MARCHF1: variants seen among roughly 807,000 people sequenced by gnomAD.
The protein encoded by MARCHF1 is membrane associated ring-CH-type finger 1, also known as E3 ubiquitin-protein ligase MARCHF1.
Under a neutral mutation model 54.2 loss-of-function variants are expected in MARCHF1, and 40 were observed. The ratio of observed to expected loss-of-function variants is 0.74; its 90% CI spans 0.57 to 0.96. The LOEUF is 0.96. MARCHF1 is among the 40% of genes least tolerant of loss of function. MARCHF1 has a pLI of 0.00. For synonymous variants in MARCHF1, 236 were observed against 236.3 expected (o/e 1.00, Z 0.01); for missense variants, 586 against 656.5 (o/e 0.89, Z 1.17).
At chr4:163,825,499 G>GT (rs895433674) in intron 4 of MARCHF1, among the ~76,000 whole-genome samples, 11 of 151,940 alleles carry the variant, frequency 7.2e-5, no homozygotes, top group Non-Finnish European at 1.3e-4. Context: ...TCCGTTTTAA[G>GT]TTTTTTCAGA....
intron 3 of MARCHF1, among the ~76,000 whole-genome samples, chr4:163,943,630 C>T (rs1751960936): frequency 6.6e-6 from 1 of 151,206 alleles, no homozygotes; most frequent in African/African-American, 2.4e-5. Context: ...GGAAAAATAA[C>T]TAATGGGTAA....
At chr4:163,705,188 C>T (rs920818430) in intron 4 of MARCHF1, among the ~76,000 whole-genome samples, 1 of 151,598 alleles carries the variant, frequency 6.6e-6, no homozygotes, top group Admixed American at 6.6e-5. Flanking sequence ...TACAACCGAG[C>T]TGTATTTTAC....
chr4:163,684,132 A>T (rs1411931409), intron 5 of MARCHF1, among the ~76,000 whole-genome samples: 1 of 152,148 alleles, frequency 6.6e-6, no homozygotes, highest in African/African-American at 2.4e-5. Flanking sequence ...ACCACGTAGT[A>T]CCTCTTAAGC....
intron 8 of MARCHF1, among the ~76,000 whole-genome samples, chr4:163,561,194 C>T (rs980385808): frequency 2.0e-5 from 3 of 152,210 alleles, no homozygotes; most frequent in African/African-American, 7.2e-5. Context: ...TATAGGTCAA[C>T]TAAAATCTAT....
At chr4:164,173,106 T>C (rs879448325) in intron 1 of MARCHF1, among the ~76,000 whole-genome samples, 4 of 152,218 alleles carry the variant, frequency 2.6e-5, no homozygotes, top group Admixed American at 1.3e-4. Context: ...CAAATACGTA[T>C]TTCCAAATAT....
chr4:164,257,542 A>G (rs964081181), intron 1 of MARCHF1, among the ~76,000 whole-genome samples: 1 of 151,930 alleles, frequency 6.6e-6, no homozygotes, highest in Non-Finnish European at 1.5e-5. Flanking sequence ...CTATAAGATA[A>G]ATTTCTTTGA....
chr4:163,808,803 A>G (rs917271657), intron 4 of MARCHF1, among the ~76,000 whole-genome samples: 2 of 152,118 alleles, frequency 1.3e-5, no homozygotes, highest in South Asian at 2.1e-4. Context: ...TCCTGAGCTC[A>G]AGTGATCCAC....
chr4:164,381,344 A>C (rs1731364535), intron 1 of MARCHF1, among the ~76,000 whole-genome samples: 1 of 152,182 alleles, frequency 6.6e-6, no homozygotes, highest in Admixed American at 6.5e-5. Flanking sequence ...CTAGCTATCA[A>C]ATAAGTCAAA....
At chr4:164,265,376 T>A (rs551267230) in intron 1 of MARCHF1, among the ~76,000 whole-genome samples, 6 of 152,216 alleles carry the variant, frequency 3.9e-5, no homozygotes, top group Non-Finnish European at 5.9e-5. Context: ...GTATAAACAA[T>A]CTTTAGATTC....
At chr4:163,752,061 C>T (rs1442817170) in intron 4 of MARCHF1, among the ~76,000 whole-genome samples, 1 of 152,116 alleles carries the variant, frequency 6.6e-6, no homozygotes, top group African/African-American at 2.4e-5. Flanking sequence ...ATGGAAATAA[C>T]TCATAATAGG....
At chr4:163,530,186 A>G (rs1738298733) in intron 9 of MARCHF1, 2 of 151,946 alleles carry the variant, frequency 1.3e-5, no homozygotes, top group South Asian at 4.1e-4. Flanking sequence ...AGCACCTTGT[A>G]CCCTAAGATT....
chr4:163,611,452 C>A (rs537335328), intron 7 of MARCHF1, among the ~76,000 whole-genome samples: 2 of 152,094 alleles, frequency 1.3e-5, no homozygotes, highest in Non-Finnish European at 2.9e-5. Context: ...ACAAGTATTG[C>A]GCAGTGAAAA....
chr4:164,010,062 C>CTT (rs35143590), intron 2 of MARCHF1, among the ~76,000 whole-genome samples: 1,783 of 98,500 alleles, frequency 0.018, 54 homozygotes, highest in African/African-American at 0.058. Flanking sequence ...TCAAAAAACT[C>CTT]TTTTTTTTTT....
chr4:163,994,242 G>A (rs1753020422), intron 2 of MARCHF1, among the ~76,000 whole-genome samples: 1 of 148,598 alleles, frequency 6.7e-6, no homozygotes, highest in Non-Finnish European at 1.5e-5. Flanking sequence ...TATCGCTGAA[G>A]AATGATAGAG....
intron 4 of MARCHF1, among the ~76,000 whole-genome samples, chr4:163,769,317 T>C (rs150342290): frequency 1.3e-5 from 2 of 152,190 alleles, no homozygotes; most frequent in African/African-American, 2.4e-5. Context: ...CACTTAGCTA[T>C]ATGTATCTAA....
At chr4:163,788,459 T>C (rs1747680284) in intron 4 of MARCHF1, among the ~76,000 whole-genome samples, 1 of 152,024 alleles carries the variant, frequency 6.6e-6, no homozygotes, top group African/African-American at 2.4e-5. Flanking sequence ...AAGACAACAT[T>C]GTATGTCTTC....
At chr4:164,099,318 A>T (rs1377135783) in intron 2 of MARCHF1, among the ~76,000 whole-genome samples, 1 of 152,228 alleles carries the variant, frequency 6.6e-6, no homozygotes, top group African/African-American at 2.4e-5. Context: ...GCAGGTTAGA[A>T]TGTTAGCACT....
chr4:164,241,849 C>T (rs890461913), intron 1 of MARCHF1, among the ~76,000 whole-genome samples: 22 of 152,138 alleles, frequency 1.4e-4, no homozygotes, highest in African/African-American at 4.3e-4. Context: ...CCTTTCTGAG[C>T]CAAAGAAAGG....
chr4:163,652,715 A>G (rs1743010322), intron 5 of MARCHF1, among the ~76,000 whole-genome samples: 1 of 151,798 alleles, frequency 6.6e-6, no homozygotes, highest in East Asian at 2.0e-4. Context: ...GTTCCATAAA[A>G]GTTTAGAGAC....
Sources: gnomAD v4.1 joint callset for allele counts (sites outside exome capture counted in the v4.1 genomes callset) on GRCh38, gnomAD v4.1.1 for gene constraint, MANE v1.5 for transcripts, NCBI Gene and HGNC (gene_info 2026-07-23, HGNC 2026-07-21) for gene names.